The following TULP4 variants were observed in gnomAD, a reference collection of about 807,000 sequenced individuals.
TULP4 encodes the protein tubby-related protein 4.
In TULP4, 16 loss-of-function variants were observed where a neutral mutation model predicts 129.0. That is an observed-to-expected ratio of 0.12 (90% CI 0.08 to 0.19). The LOEUF (loss-of-function observed/expected upper bound fraction) is 0.19, where lower values mean the gene tolerates loss of function less well. Among genes scored for constraint, TULP4 ranks in the 10% least tolerant of loss-of-function variants. The probability of loss-of-function intolerance (pLI) is 1.00; values close to 1 mark genes in which losing one functional copy is unlikely to be tolerated. For synonymous variants in TULP4, 998 were observed against 854.0 expected (o/e 1.17, Z -2.94); for missense variants, 1,842 against 2,059.1 (o/e 0.89, Z 2.04).
At position 158,405,327 on chromosome 6, in the gene TULP4, C is replaced by T. The variant is rs777961684; in HGVS notation, c.253-7738C>T. ...AGGTCGTGGGGGTGACGAAGTCCAG[C>T]GGAGTCAAAGGAATTAGAAAAGACA... is the stretch of plus-strand genomic sequence containing the variant. On this transcript the variant is annotated intron_variant, in intron 1 of 13. Coordinates refer to ENST00000367097, the MANE Select transcript of TULP4 (RefSeq NM_020245.5). Among the ~76,000 whole-genome samples the T allele has an allele frequency of 8.5e-5, 13 of 152,058 alleles. 1 individual carries two copies. Among genetic ancestry groups the T allele is most frequent in the African/African-American group, 1.4e-4 (6 of 41,382 alleles).
intron 1 of TULP4, among the ~76,000 whole-genome samples, chr6:158,322,830 G>C (rs911088927): frequency 2.0e-5 from 3 of 152,120 alleles, no homozygotes; most frequent in Non-Finnish European, 4.4e-5. Context: ...CGTGGACTTC[G>C]CCTTCCTCTA....
intron 1 of TULP4, among the ~76,000 whole-genome samples, chr6:158,298,898 A>G (rs1224987329): frequency 2.0e-5 from 3 of 152,182 alleles, no homozygotes; most frequent in Non-Finnish European, 4.4e-5. Flanking sequence ...CTGGGTCAAG[A>G]AGAATTATCA....
rs569614089 is a variant in TULP4, at chr6:158,501,645, T to G, written c.2015-33T>G. 8.6e-4 allele frequency: 1,368 copies of G among 1,587,652 alleles called. 25 individuals are homozygous for G. In the South Asian group the frequency reaches 0.014, roughly 17 times the overall value. ...TGATCTGGTTTAATGGCAGTGTTTT[T>G]GTAAGCAGTTCCTTTTTCTAATTTT... is the stretch of plus-strand genomic sequence containing the variant. On this transcript the variant is annotated intron_variant, in intron 12 of 13. Transcript: ENST00000367097.
intron 3 of TULP4, among the ~76,000 whole-genome samples, chr6:158,432,534 G>A (rs183748016): frequency 6.6e-6 from 1 of 152,154 alleles, no homozygotes; most frequent in African/African-American, 2.4e-5. Flanking sequence ...ATTATAGTGG[G>A]ATTTTAGGCT....
At chr6:158,296,164 A>C (rs1202900674) in intron 1 of TULP4, among the ~76,000 whole-genome samples, 1 of 146,892 alleles carries the variant, frequency 6.8e-6, no homozygotes, top group Non-Finnish European at 1.5e-5. Flanking sequence ...TCCTTTTCTT[A>C]TTTTCTCCTT....
chr6:158,424,504 CCT>C (rs770248824), intron 2 of TULP4, among the ~76,000 whole-genome samples: 1 of 152,156 alleles, frequency 6.6e-6, no homozygotes, highest in Non-Finnish European at 1.5e-5. Flanking sequence ...CCTGCCTTGG[CCT>C]CCCAAAGTGC....
intron 1 of TULP4, among the ~76,000 whole-genome samples, chr6:158,326,269 G>C (rs1315605832): frequency 6.6e-6 from 1 of 152,068 alleles, no homozygotes; most frequent in Non-Finnish European, 1.5e-5. Context: ...TACATCTTCA[G>C]CATAATTTCA....
At chr6:158,490,921 A>G (rs941556194) in intron 9 of TULP4, among the ~76,000 whole-genome samples, 6 of 151,666 alleles carry the variant, frequency 4.0e-5, no homozygotes, top group Non-Finnish European at 7.4e-5. Context: ...TACTCTGTTT[A>G]CCAATCAATG....
At chr6:158,281,781 A>G (rs1468814679), upstream of TULP4, among the ~76,000 whole-genome samples, 2 of 152,202 alleles carry the variant, frequency 1.3e-5, no homozygotes. Flanking sequence ...TGCTATAGGA[A>G]ATAATTGTAA....
intron 1 of TULP4, among the ~76,000 whole-genome samples, chr6:158,256,445 A>T (rs1778246071): frequency 6.6e-6 from 1 of 152,194 alleles, no homozygotes; most frequent in African/African-American, 2.4e-5. Flanking sequence ...GTTGTTCTCT[A>T]AGTCTTTGAT....
Position 158,313,838 on chromosome 6 carries a change from G to A in TULP4, c.-179G>A, listed in dbSNP as rs1779420993. 3.1e-6 allele frequency: 2 copies of A among 651,660 alleles called. No individual in the cohort carries two copies. Among genetic ancestry groups the A allele is most frequent in the Admixed American group, 6.3e-5 (2 of 31,954 alleles). 40.4% of individuals were successfully genotyped at this position (651,660 alleles called of 1,614,324 possible). On this transcript the variant is annotated 5_prime_UTR_variant, in exon 1 of 14. It removes an upstream start codon present in the reference 5' UTR. Transcript: ENST00000367097. ...TTTTATAGAGGAATTTTTTCACTAT[G>A]CATTCGGTGGATCTTTATAAAATAC...
intron 1 of TULP4, chr6:158,242,451 T>C: frequency 9.9e-7 from 1 of 1,012,360 alleles, no homozygotes; most frequent in Non-Finnish European, 1.6e-6. Flanking sequence ...GCATTCATCA[T>C]AGTGTTCCAA....
chr6:158,308,539 G>A (rs539590509), upstream of TULP4, among the ~76,000 whole-genome samples: 9 of 151,672 alleles, frequency 5.9e-5, no homozygotes, highest in Admixed American at 6.6e-5. Context: ...ACGGGGTGGC[G>A]GCCGGGCAGA....
intron 6 of TULP4, among the ~76,000 whole-genome samples, chr6:158,473,268 A>C (rs1779732023): frequency 6.6e-6 from 1 of 152,194 alleles, no homozygotes. Context: ...TGTTCTGCTG[A>C]AGTTGCCCCT....
intron 1 of TULP4, among the ~76,000 whole-genome samples, chr6:158,348,907 GAAGGGCGGCC>G (rs1780392415): frequency 1.0e-4 from 3 of 28,814 alleles, no homozygotes; most frequent in African/African-American, 4.0e-4. Context: ...CCTCCCAGAC[GAAGGGCGGCC>G]GGGCAGAGGC....
intron 4 of TULP4, among the ~76,000 whole-genome samples, chr6:158,449,955 G>C (rs1403020538): frequency 3.3e-5 from 5 of 152,026 alleles, no homozygotes; most frequent in African/African-American, 9.7e-5. Context: ...ATAATGTATA[G>C]TGATCAGATC....
chr6:158,452,345 CTG>C lies in TULP4; in HGVS notation c.859+80_859+81del. 1.6e-5 allele frequency: 24 copies of C among 1,539,714 alleles called. 2 individuals carry two copies. In the South Asian group the frequency reaches 2.8e-4, roughly 18 times the overall value. On this transcript the variant is annotated intron_variant, in intron 5 of 13. Coordinates refer to ENST00000367097, the MANE Select transcript of TULP4 (RefSeq NM_020245.5). Reference sequence around the variant, plus strand: ...TGCCTCAAGGCCGGTCTTGTACACTCTGTGCTTACTGATTCCTGTCCTCTGTG... The same window carrying C: ...TGCCTCAAGGCCGGTCTTGTACACTCTGCTTACTGATTCCTGTCCTCTGTG...
chr6:158,254,200 T>TCTC lies in TULP4; in HGVS notation n.68+21897_68+21898insCTC, dbSNP rs1449214649. On this transcript the variant is annotated intron_variant and non_coding_transcript_variant, in intron 1 of 1. Coordinates refer to the TULP4 transcript ENST00000620026. ...CTCTGTGGCCCAGGCTGGAGTGCAA[T>TCTC]GGCATGATCTCGGCTCACTGCAGCC... 7.5e-4 allele frequency among the ~76,000 whole-genome samples: 114 copies of TCTC among 152,154 alleles called. 1 individual carries two copies. In the South Asian group the frequency reaches 0.023, roughly 30 times the overall value.
chr6:158,420,065 CA>C (rs1478020422), intron 2 of TULP4, among the ~76,000 whole-genome samples: 1 of 152,058 alleles, frequency 6.6e-6, no homozygotes, highest in East Asian at 1.9e-4. Flanking sequence ...TGTGAAGGGT[CA>C]GATAGTAAAT....
Sources: gnomAD v4.1 joint callset for allele counts (sites outside exome capture counted in the v4.1 genomes callset) on GRCh38, gnomAD v4.1.1 for gene constraint, MANE v1.5 for transcripts, NCBI Gene and HGNC (gene_info 2026-07-23, HGNC 2026-07-21) for gene names.